UMAD1: variants seen among roughly 807,000 people sequenced by gnomAD.
UMAD1 encodes UBAP1-MVB12-associated (UMA)-domain containing protein 1.
Under a neutral mutation model 6.1 loss-of-function variants are expected in UMAD1, and 8 were observed. The ratio of observed to expected loss-of-function variants is 1.30; its 90% CI spans 0.76 to 2.35. The LOEUF (loss-of-function observed/expected upper bound fraction) is 2.35. Ranked by LOEUF, UMAD1 falls within the 30% of genes most tolerant of loss-of-function variation. UMAD1 has a pLI of 0.00. For synonymous variants in UMAD1, 56 were observed against 31.4 expected, an observed-to-expected ratio of 1.78 and a Z score of -2.61; for missense variants, 130 against 78.4, an observed-to-expected ratio of 1.66 and a Z score of -2.49.
chr7:7,692,759 G>A (rs1236170929), intron 2 of UMAD1, among the ~76,000 whole-genome samples: 3 of 151,966 alleles, frequency 2.0e-5, no homozygotes, highest in South Asian at 2.1e-4. Context: ...ACAGGCCTGC[G>A]CCACCATGCC....
At chr7:7,871,788 T>C (rs1784337445) in intron 3 of UMAD1, among the ~76,000 whole-genome samples, 2 of 151,868 alleles carry the variant, frequency 1.3e-5, no homozygotes, top group African/African-American at 4.8e-5. Flanking sequence ...GTACTAGATA[T>C]AGTTTGATAC....
At chr7:7,733,121 G>A (rs1236141994) in intron 2 of UMAD1, among the ~76,000 whole-genome samples, 3 of 152,116 alleles carry the variant, frequency 2.0e-5, no homozygotes, top group Non-Finnish European at 4.4e-5. Flanking sequence ...TTGTAATCTC[G>A]TATTGTTTTT....
At chr7:7,757,983 A>G (rs1017931788) in intron 2 of UMAD1, among the ~76,000 whole-genome samples, 2 of 152,274 alleles carry the variant, frequency 1.3e-5, no homozygotes, top group African/African-American at 4.8e-5. Flanking sequence ...CAGAAATGCA[A>G]AAGTAGAGGG....
chr7:7,753,698 C>T (rs1583799803), intron 2 of UMAD1, among the ~76,000 whole-genome samples: 2 of 152,244 alleles, frequency 1.3e-5, no homozygotes, highest in Middle Eastern at 3.4e-3. Context: ...AGGTTGCTTC[C>T]ACATCTTGGC....
chr7:7,827,211 A>G (rs1165439292), intron 3 of UMAD1, among the ~76,000 whole-genome samples: 1 of 150,084 alleles, frequency 6.7e-6, no homozygotes, highest in African/African-American at 2.5e-5. Flanking sequence ...GGAATATTAT[A>G]GCATATGATT....
At chr7:7,754,715 ACTT>A (rs1781742280) in intron 2 of UMAD1, among the ~76,000 whole-genome samples, 4 of 152,188 alleles carry the variant, frequency 2.6e-5, no homozygotes, top group African/African-American at 9.6e-5. Flanking sequence ...TTATTGGAAA[ACTT>A]CTAAGTATAT....
chr7:7,805,043 A>C (rs949830880), intron 3 of UMAD1, among the ~76,000 whole-genome samples: 1 of 152,072 alleles, frequency 6.6e-6, no homozygotes, highest in African/African-American at 2.4e-5. Context: ...AACGCTCGCT[A>C]CCCTTCATAT....
chr7:7,733,544 T>G (rs184348636), intron 2 of UMAD1, among the ~76,000 whole-genome samples: 130 of 149,164 alleles, frequency 8.7e-4, no homozygotes, highest in Middle Eastern at 3.4e-3. Flanking sequence ...AAATGAGTGA[T>G]ACACAGAAAA....
chr7:7,837,474 T>G (rs1783592378), intron 3 of UMAD1, among the ~76,000 whole-genome samples: 1 of 152,130 alleles, frequency 6.6e-6, no homozygotes, highest in Non-Finnish European at 1.5e-5. Flanking sequence ...GAGAAGTGAT[T>G]AGAGTGAAAG....
At chr7:7,763,794 C>A (rs1280682257) in intron 2 of UMAD1, among the ~76,000 whole-genome samples, 1 of 152,118 alleles carries the variant, frequency 6.6e-6, no homozygotes, top group Non-Finnish European at 1.5e-5. Flanking sequence ...GACTTAATAG[C>A]ATAATGATTT....
At chr7:7,858,616 G>A (rs534999108) in intron 3 of UMAD1, among the ~76,000 whole-genome samples, 1 of 152,312 alleles carries the variant, frequency 6.6e-6, no homozygotes, top group African/African-American at 2.4e-5. Context: ...AGAGAGCTGT[G>A]TGATGTTGCT....
chr7:7,826,134 T>C (rs1404982361), intron 3 of UMAD1, among the ~76,000 whole-genome samples: 1 of 152,140 alleles, frequency 6.6e-6, no homozygotes, highest in Non-Finnish European at 1.5e-5. Flanking sequence ...GCTGACTGTA[T>C]GTACATGGAT....
At chr7:7,839,749 G>GTT (rs536949948) in intron 3 of UMAD1, among the ~76,000 whole-genome samples, 225 of 152,322 alleles carry the variant, frequency 1.5e-3, no homozygotes, top group African/African-American at 5.0e-3. Context: ...AAGTTGACAA[G>GTT]TTTAATGGGG....
chr7:7,653,000 A>G (rs1785258143), intron 1 of UMAD1, among the ~76,000 whole-genome samples: 2 of 152,272 alleles, frequency 1.3e-5, no homozygotes, highest in African/African-American at 4.8e-5. Context: ...CTTGCTCCCC[A>G]GTGCTCTAGA....
intron 2 of UMAD1, among the ~76,000 whole-genome samples, chr7:7,768,954 CTGTG>C (rs1782048479): frequency 6.6e-6 from 1 of 152,038 alleles, no homozygotes; most frequent in Non-Finnish European, 1.5e-5. Context: ...CTATAGCTCT[CTGTG>C]GTATTAGATG....
Position 7,814,618 on chromosome 7 carries a change from C to T in UMAD1, c.156+12875C>T, listed in dbSNP as rs141012872. On this transcript the variant is annotated intron_variant, in intron 3 of 3. Coordinates refer to ENST00000682710, the MANE Select transcript of UMAD1 (RefSeq NM_001302348.2). ...TATATGTAAGTATATTTATGTAATACTTCTACAAAATATATTTATATTTAG... is the reference window on the plus strand; with the variant it reads ...TATATGTAAGTATATTTATGTAATATTTCTACAAAATATATTTATATTTAG... 3.2e-3 allele frequency among the ~76,000 whole-genome samples: 491 copies of T among 151,582 alleles called. 5 individuals carry two copies. The highest frequency in any genetic ancestry group is 0.011 in the African/African-American group (467 of 41,310).
At chr7:7,766,188 T>C (rs1437722764) in intron 2 of UMAD1, among the ~76,000 whole-genome samples, 1 of 152,238 alleles carries the variant, frequency 6.6e-6, no homozygotes, top group Non-Finnish European at 1.5e-5. Context: ...AATTTACTTG[T>C]CTGTTTTTCT....
chr7:7,759,115 G>A (rs1287254426), intron 2 of UMAD1, among the ~76,000 whole-genome samples: 5 of 152,068 alleles, frequency 3.3e-5, no homozygotes, highest in African/African-American at 1.2e-4. Flanking sequence ...TACCTCACAG[G>A]CCCATTAGTA....
intron 2 of UMAD1, among the ~76,000 whole-genome samples, chr7:7,734,401 G>A (rs1476906897): frequency 6.6e-6 from 1 of 151,840 alleles, no homozygotes; most frequent in Non-Finnish European, 1.5e-5. Context: ...AAGGTCTTTA[G>A]GTTTGAAACC....
Sources: allele counts gnomAD v4.1 joint callset (sites outside exome capture counted in the v4.1 genomes callset), GRCh38; gene constraint gnomAD v4.1.1; transcripts MANE v1.5; gene names NCBI Gene and HGNC (gene_info 2026-07-23, HGNC 2026-07-21).